ABL1: variants seen among roughly 807,000 people sequenced by gnomAD.
The protein encoded by ABL1 is tyrosine-protein kinase ABL1.
ABL1 carries 11 observed loss-of-function variants against 94.7 expected under a neutral mutation model. The observed-to-expected ratio is 0.12, with a 90% CI of 0.07 to 0.19. ABL1 has a LOEUF of 0.19. Ranked by LOEUF, ABL1 falls within the 10% of genes least tolerant of loss-of-function variation. The probability of loss-of-function intolerance (pLI) is 1.00; values close to 1 mark genes in which losing one functional copy is unlikely to be tolerated. For missense variants in ABL1, 1,082 were observed against 1,489.4 expected, an observed-to-expected ratio of 0.73 and a Z score of 4.50; for synonymous variants, 656 against 622.4, an observed-to-expected ratio of 1.05 and a Z score of -0.80.
At chr9:130,718,378 C>A (rs1034639444) in intron 1 of ABL1, among the ~76,000 whole-genome samples, 4 of 145,660 alleles carry the variant, frequency 2.7e-5, no homozygotes, top group African/African-American at 7.7e-5. Context: ...CATCAAAGAA[C>A]AATATCTACG....
chr9:130,846,370 T>C (rs575000369), intron 1 of ABL1, among the ~76,000 whole-genome samples: 2 of 152,334 alleles, frequency 1.3e-5, no homozygotes, highest in Admixed American at 1.3e-4. Flanking sequence ...GGATCTGTTT[T>C]ATAGATTTTT....
At chr9:130,755,993 C>T (rs370483784) in intron 1 of ABL1, among the ~76,000 whole-genome samples, 1 of 152,074 alleles carries the variant, frequency 6.6e-6, no homozygotes, top group South Asian at 2.1e-4. Flanking sequence ...GTTGATTACA[C>T]TTCTCATTTA....
At chr9:130,879,718 A>T (rs10046884) in intron 8 of ABL1, among the ~76,000 whole-genome samples, 2,477 of 152,288 alleles carry the variant, frequency 0.016, 82 homozygotes, top group African/African-American at 0.057. Context: ...TTTACTTCAG[A>T]CTTTGATAAC....
At chr9:130,804,307 C>CCGAGG (rs11282644) in intron 1 of ABL1, among the ~76,000 whole-genome samples, 1 of 151,996 alleles carries the variant, frequency 6.6e-6, no homozygotes, top group African/African-American at 2.4e-5. Flanking sequence ...CGGCAGTGAG[C>CCGAGG]TCACACCAGT....
chr9:130,844,653 T>G (rs1830733091), intron 1 of ABL1, among the ~76,000 whole-genome samples: 1 of 152,058 alleles, frequency 6.6e-6, no homozygotes, highest in African/African-American at 2.4e-5. Context: ...ATATAAAAAT[T>G]AGCTGGGCAT....
intron 4 of ABL1, among the ~76,000 whole-genome samples, chr9:130,868,524 T>TC (rs1831196355): frequency 7.7e-6 from 1 of 130,188 alleles, no homozygotes; most frequent in African/African-American, 3.6e-5. Context: ...CTTTTTCTTT[T>TC]TTTTTTTTTT....
intron 1 of ABL1, among the ~76,000 whole-genome samples, chr9:130,762,920 A>G (rs907976046): frequency 2.0e-5 from 3 of 151,816 alleles, no homozygotes; most frequent in Admixed American, 6.6e-5. Flanking sequence ...AAAAAAAAAA[A>G]AAAAAAGAAA....
At chr9:130,806,807 T>G (rs1487076339) in intron 1 of ABL1, among the ~76,000 whole-genome samples, 2 of 152,364 alleles carry the variant, frequency 1.3e-5, no homozygotes, top group East Asian at 3.9e-4. Context: ...ACAATATGTC[T>G]TGGATACATT....
intron 1 of ABL1, among the ~76,000 whole-genome samples, chr9:130,740,057 TTA>T (rs2132710351): frequency 6.6e-6 from 1 of 152,348 alleles, no homozygotes; most frequent in African/African-American, 2.4e-5. Context: ...GTAATTAATA[TTA>T]TGTTAATATT....
intron 8 of ABL1, among the ~76,000 whole-genome samples, chr9:130,879,278 G>A (rs907255468): frequency 6.6e-6 from 1 of 152,050 alleles, no homozygotes; most frequent in African/African-American, 2.4e-5. Flanking sequence ...GTATTTATAT[G>A]GCCATTTCTT....
Position 130,835,382 on chromosome 9 carries a change from C to T in ABL1, c.-65C>T, listed in dbSNP as rs1047873308. The T allele has an allele frequency of 2.1e-5, 26 of 1,233,398 alleles. No homozygotes were observed. In the African/African-American group the frequency reaches 3.7e-4, roughly 17 times the overall value. 76.4% of individuals were successfully genotyped at this position (1,233,398 alleles called of 1,614,324 possible). On this transcript the variant is annotated 5_prime_UTR_variant, in exon 1 of 11. Coordinates refer to ENST00000318560, the MANE Select transcript of ABL1 (RefSeq NM_005157.6). The surrounding 1 kb of genome is among the most constrained non-coding windows in gnomAD (Gnocchi z 4.6). ...GGGGGGCGCGCGGGCCGAGCCGGGC[C>T]TGAGCCGGGCCCGCGGACCGAGCTG... is the stretch of plus-strand genomic sequence containing the variant.
At chr9:130,735,967 T>A (rs2313570) in intron 1 of ABL1, among the ~76,000 whole-genome samples, 26 of 122,280 alleles carry the variant, frequency 2.1e-4, no homozygotes, top group Non-Finnish European at 3.4e-4. Flanking sequence ...ATATATTTTT[T>A]TTTTTTAAGA....
chr9:130,725,880 G>T (rs1831578543), intron 1 of ABL1, among the ~76,000 whole-genome samples: 1 of 123,178 alleles, frequency 8.1e-6, no homozygotes, highest in South Asian at 2.8e-4. Context: ...CTCCCAGACT[G>T]GAGTGCAGTG....
chr9:130,784,812 G>A (rs973678921), intron 1 of ABL1, among the ~76,000 whole-genome samples: 1 of 152,196 alleles, frequency 6.6e-6, no homozygotes, highest in African/African-American at 2.4e-5. Context: ...TACTAGTTAA[G>A]CTACAGGAGG....
intron 1 of ABL1, among the ~76,000 whole-genome samples, chr9:130,798,449 C>G (rs1413871963): frequency 6.6e-6 from 1 of 152,142 alleles, no homozygotes; most frequent in Admixed American, 6.5e-5. Flanking sequence ...TGAAGTTAAT[C>G]TAACTACTGA....
At chr9:130,858,777 A>T (rs1405547205) in intron 3 of ABL1, among the ~76,000 whole-genome samples, 1 of 152,162 alleles carries the variant, frequency 6.6e-6, no homozygotes, top group Admixed American at 6.5e-5. Flanking sequence ...TCTTATTTTT[A>T]AATTAGCTCA....
At chr9:130,802,095 C>CTTTTTTTTTTTTT (rs3085157) in intron 1 of ABL1, among the ~76,000 whole-genome samples, 30 of 132,082 alleles carry the variant, frequency 2.3e-4, no homozygotes, top group African/African-American at 6.2e-4. Context: ...TTCCTTCAGT[C>CTTTTTTTTTTTTT]TTTTTTTTTT....
intron 1 of ABL1, among the ~76,000 whole-genome samples, chr9:130,847,740 G>A (rs1588265554): frequency 6.6e-6 from 1 of 152,178 alleles, no homozygotes; most frequent in African/African-American, 2.4e-5. Context: ...GAGGAAAGTC[G>A]AGAGACTGCC....
In ABL1 at chr9:130,886,661, G is replaced by A; in HGVS notation, c.*978G>A. Reference sequence around the variant, plus strand: ...TCACACATCTGGGTGCCCTGAAAGGGCCCTTCCCCTCCCCCACTCCTCTAA... The same window carrying A: ...TCACACATCTGGGTGCCCTGAAAGGACCCTTCCCCTCCCCCACTCCTCTAA... On this transcript the variant is annotated 3_prime_UTR_variant, in exon 11 of 11. Transcript: ENST00000318560. 1 of 233,706 alleles carries A rather than the reference G, an allele frequency of 4.3e-6. No homozygotes were observed. The highest frequency in any genetic ancestry group is 8.5e-6 in the Non-Finnish European group (1 of 118,074). 14.5% of individuals were successfully genotyped at this position (233,706 alleles called of 1,614,324 possible).
Sources: allele counts gnomAD v4.1 joint callset (sites outside exome capture counted in the v4.1 genomes callset), GRCh38; gene constraint gnomAD v4.1.1; non-coding constraint Gnocchi (gnomAD v3.1); transcripts MANE v1.5; gene names NCBI Gene and HGNC (gene_info 2026-07-23, HGNC 2026-07-21).